ERBB2: variants seen among roughly 807,000 people sequenced by gnomAD.
ERBB2 encodes the protein erb-b2 receptor tyrosine kinase 2.
In ERBB2, 61 loss-of-function variants were observed where a neutral mutation model predicts 149.0. That is an observed-to-expected ratio of 0.41 (90% CI 0.33 to 0.51). The LOEUF is 0.51. Ranked by LOEUF, ERBB2 falls within the 20% of genes least tolerant of loss-of-function variation. The pLI is 0.25. For missense variants in ERBB2, 1,205 were observed against 1,655.1 expected (o/e 0.73, Z 4.72); for synonymous variants, 633 against 678.8 (o/e 0.93, Z 1.05).
At position 39,726,412 on chromosome 17, in the gene ERBB2, A is replaced by T. The variant is rs1431322155; in HGVS notation, c.2873-150A>T. ...GAGATGCCAAAGGTTCTGGCTGAAG[A>T]CCCCAGAGTCTGGTGCTACTTCTCT... On this transcript the variant is annotated intron_variant, in intron 23 of 26. Transcript: ENST00000269571. This position sits in a 1 kb window ranked among gnomAD's most constrained non-coding sequence, Gnocchi z 5.1. The T allele has an allele frequency of 4.7e-6, 3 of 638,176 alleles. No homozygotes were observed. The highest frequency in any genetic ancestry group is 1.8e-5 in the African/African-American group (1 of 54,708). The allele number at this position is 638,176 out of a possible 1,614,324, so 39.5% of individuals were successfully genotyped here. A position where few individuals can be genotyped will look rare whatever the true frequency, so the allele number is the denominator to read the frequency against.
In ERBB2 at chr17:39,727,296, G is replaced by C. The variant is rs912915297; in HGVS notation, c.3161G>C (p.Ser1054Thr). Reference protein sequence around the residue: ...HHRHRSSSTRSGGGDLTLGLE... With the variant: ...HHRHRSSSTRTGGGDLTLGLE... ...CATGACTTTCTTTCTTGTCCCCAGA[G>C]TGGCGGTGGGGACCTGACACTAGGG... is the stretch of plus-strand genomic sequence containing the variant. The change falls in exon 26 of 27, where the codon AGT (serine) becomes ACT (threonine). Residue 1054 changes from serine to threonine, a missense_variant and splice_region_variant. Around this residue, in one of 6 missense-constraint regions of ERBB2, gnomAD observed 312 missense variants for 343.8 expected, o/e 0.91. Coordinates refer to ENST00000269571, the MANE Select transcript of ERBB2 (RefSeq NM_004448.4). This position sits in a 1 kb window ranked among gnomAD's most constrained non-coding sequence, Gnocchi z 4.3. 6.2e-7 allele frequency: 1 copy of C among 1,612,532 alleles called. No individual in the cohort carries two copies. The highest frequency in any genetic ancestry group is 8.5e-7 in the Non-Finnish European group (1 of 1,179,620).
intron 6 of ERBB2, 29 bp downstream of exon 6, chr17:39,710,230 G>C (rs1340426089): frequency 1.9e-6 from 3 of 1,609,558 alleles, no homozygotes; most frequent in Middle Eastern, 1.7e-4. Context: ...TGCCCAATGT[G>C]CTCTACCCCC....
intron 7 of ERBB2, among the ~76,000 whole-genome samples, chr17:39,711,679 C>T (rs1002821278): frequency 2.0e-5 from 3 of 152,240 alleles, no homozygotes; most frequent in African/African-American, 7.2e-5. Context: ...CTCCTCCACT[C>T]ACTAGCACAA....
At chr17:39,709,943 T>G (rs2145496218) in intron 5 of ERBB2, 62 bp downstream of exon 5, 2 of 1,546,698 alleles carry the variant, frequency 1.3e-6, no homozygotes, top group Admixed American at 3.3e-5. Context: ...GGAATGCAGG[T>G]GTCATACAGG....
upstream of ERBB2, among the ~76,000 whole-genome samples, chr17:39,690,232 G>C (rs1159021638): frequency 2.0e-5 from 3 of 151,976 alleles, no homozygotes; most frequent in Non-Finnish European, 4.4e-5. Flanking sequence ...ACTGCAGCAT[G>C]CGCCACTATG....
chr17:39,708,255 A>G (rs1415384007), intron 2 of ERBB2, 66 bp from the exon 3 acceptor site: 7 of 1,267,878 alleles, frequency 5.5e-6, no homozygotes, highest in South Asian at 3.9e-5. Flanking sequence ...GTACTGGGGA[A>G]CCCCAGGGAG....
intron 2 of ERBB2, chr17:39,707,629 A>C (rs2058528410): frequency 6.5e-6 from 1 of 153,564 alleles, no homozygotes; most frequent in South Asian, 2.1e-4. Flanking sequence ...GGTTATGAAC[A>C]GGAGGGAGAG....
At chr17:39,696,312 TC>T (rs953987784), upstream of ERBB2, among the ~76,000 whole-genome samples, 4 of 151,278 alleles carry the variant, frequency 2.6e-5, no homozygotes, top group Non-Finnish European at 5.9e-5. Context: ...CCCCAGCTCC[TC>T]CCCCCATCCC....
upstream of ERBB2, among the ~76,000 whole-genome samples, chr17:39,693,693 G>A: frequency 6.6e-6 from 1 of 151,640 alleles, no homozygotes; most frequent in Non-Finnish European, 1.5e-5. Context: ...GGGAGGCAGA[G>A]GTTGCAGTGA....
chr17:39,726,322 A>C lies in ERBB2; in HGVS notation c.2873-240A>C. On this transcript the variant is annotated intron_variant, in intron 23 of 26. Transcript: ENST00000269571. The surrounding 1 kb of genome is among the most constrained non-coding windows in gnomAD (Gnocchi z 5.1). ...AAATCCAGCCTGGGTGACAGAGCGAAACCTCATCTCAAAAAAATAAAAAAG... is the reference window on the plus strand; with the variant it reads ...AAATCCAGCCTGGGTGACAGAGCGACACCTCATCTCAAAAAAATAAAAAAG... 7 of 526,196 alleles carry C rather than the reference A, an allele frequency of 1.3e-5. No homozygotes were observed. Among genetic ancestry groups the C allele is most frequent in the Non-Finnish European group, 2.1e-5 (6 of 292,326 alleles). 32.6% of individuals were successfully genotyped at this position (526,196 alleles called of 1,614,324 possible). A position where few individuals can be genotyped will look rare whatever the true frequency, so the allele number is the denominator to read the frequency against.
upstream of ERBB2, among the ~76,000 whole-genome samples, chr17:39,691,574 T>TATACAC (rs1244087250): frequency 2.5e-5 from 3 of 122,038 alleles, no homozygotes; most frequent in African/African-American, 7.9e-5. Context: ...TATATATATA[T>TATACAC]ACACACACAC....
rs768648444 is a variant in ERBB2, at chr17:39,717,406, C to T, written c.1824C>T (p.Leu608=). Residue 608 remains leucine (L), a synonymous_variant, in exon 15 of 27, where the codon CTC becomes CTT. Transcript: ENST00000269571. ...ARCPSGVKPD[L]SYMPIWKFPD... Reference sequence around the variant, plus strand: ...GCCCCAGCGGTGTGAAACCTGACCTCTCCTACATGCCCATCTGGAAGTTTC... The same window carrying T: ...GCCCCAGCGGTGTGAAACCTGACCTTTCCTACATGCCCATCTGGAAGTTTC... The T allele has an allele frequency of 3.1e-6, 5 of 1,613,230 alleles. No individual in the cohort carries two copies. Among genetic ancestry groups the T allele is most frequent in the South Asian group, 1.1e-5 (1 of 91,038 alleles).
chr17:39,724,354 G>A (rs1258309287), intron 19 of ERBB2, among the ~76,000 whole-genome samples: 2 of 148,358 alleles, frequency 1.3e-5, no homozygotes, highest in African/African-American at 5.0e-5. Flanking sequence ...CAGCCTCCCA[G>A]GTTAAAGCGA....
chr17:39,699,739 G>A (rs1352536305), upstream of ERBB2, among the ~76,000 whole-genome samples: 1 of 152,226 alleles, frequency 6.6e-6, no homozygotes, highest in African/African-American at 2.4e-5. Flanking sequence ...ACTTAAAAGG[G>A]TGTTAAGAGT....
At chr17:39,711,196 G>A (rs1016141654) in intron 7 of ERBB2, among the ~76,000 whole-genome samples, 11 of 151,766 alleles carry the variant, frequency 7.2e-5, no homozygotes, top group African/African-American at 2.4e-4. Context: ...CACTGCACCC[G>A]GACTTTTTTT....
Position 39,715,520 on chromosome 17 carries a change from G to A in ERBB2, c.1297G>A (p.Gly433Arg), listed in dbSNP as rs1477349434. 3.1e-6 allele frequency: 5 copies of A among 1,614,184 alleles called. No homozygotes were observed. Among genetic ancestry groups the A allele is most frequent in the Non-Finnish European group, 4.2e-6 (5 of 1,180,036 alleles). The change falls in exon 11 of 27, where the codon GGA becomes AGA. Residue 433 changes from glycine (G) to arginine (R), a missense_variant. By Grantham distance (125) the Gly-to-Arg change is moderately radical. This residue lies in a region of ERBB2 where 569 missense variants were observed against 803.5 expected (regional missense o/e 0.71). Transcript: ENST00000269571. ...CTTCCAGAACCTGCAAGTAATCCGG[G>A]GACGAATTCTGCACAAGTGAGCACT... is the stretch of plus-strand genomic sequence containing the variant. Reference protein sequence around the residue: ...SVFQNLQVIRGRILHNGAYSL... With the variant: ...SVFQNLQVIRRRILHNGAYSL...
In ERBB2 at chr17:39,723,091, A is replaced by G. The variant is rs186500189; in HGVS notation, c.1947-228A>G. 3.3e-5 allele frequency among the ~76,000 whole-genome samples: 5 copies of G among 152,288 alleles called. No individual in the cohort carries two copies. The highest frequency in any genetic ancestry group is 2.1e-4 in the South Asian group (1 of 4,822). On this transcript the variant is annotated intron_variant, in intron 16 of 26. Coordinates refer to ENST00000269571, the MANE Select transcript of ERBB2 (RefSeq NM_004448.4). The surrounding 1 kb of genome is among the most constrained non-coding windows in gnomAD (Gnocchi z 6.2). ...AGAGCCAAGGGCAAGAGTATAGAGA[A>G]TCTGGAGATGCGGAGAGGGTTCTGA...
upstream of ERBB2, among the ~76,000 whole-genome samples, chr17:39,691,574 T>TATACACACAC (rs1244087250): frequency 5.7e-5 from 7 of 122,038 alleles, no homozygotes; most frequent in African/African-American, 2.8e-4. Context: ...TATATATATA[T>TATACACACAC]ACACACACAC....
At chr17:39,702,171 GTGCCTGTAGTCCCAGCTA>G (rs1326372483) in intron 1 of ERBB2, among the ~76,000 whole-genome samples, 2 of 152,226 alleles carry the variant, frequency 1.3e-5, no homozygotes, top group Non-Finnish European at 2.9e-5. Flanking sequence ...GTGATTACAC[GTGCCTGTAGTCCCAGCTA>G]CTCCGGAGGC....
Sources: gnomAD v4.1 joint callset for allele counts (sites outside exome capture counted in the v4.1 genomes callset) on GRCh38, gnomAD v4.1.1 for gene constraint, gnomAD v4.1.1 regional missense constraint, Gnocchi (gnomAD v3.1) non-coding constraint, MANE v1.5 for transcripts, NCBI Gene and HGNC (gene_info 2026-07-23, HGNC 2026-07-21) for gene names.